Variants in ADGRB3 observed in about 807,000 individuals in gnomAD.
The protein encoded by ADGRB3 is adhesion G protein-coupled receptor B3, also known as brain-specific angiogenesis inhibitor 3.
In ADGRB3, 37 loss-of-function variants were observed where a neutral mutation model predicts 193.4. That is an observed-to-expected ratio of 0.19 (90% CI 0.15 to 0.25). The LOEUF is 0.25. Among genes scored for constraint, ADGRB3 ranks in the 10% least tolerant of loss-of-function variants. The pLI, the probability that ADGRB3 is intolerant of heterozygous loss-of-function variation, is 1.00. For missense variants in ADGRB3, 1,637 were observed against 1,852.9 expected (o/e 0.88, Z 2.14); for synonymous variants, 690 against 644.2 (o/e 1.07, Z -1.08).
At chr6:69,180,543 G>A in intron 17 of ADGRB3, among the ~76,000 whole-genome samples, 1 of 152,166 alleles carries the variant, frequency 6.6e-6, no homozygotes, top group East Asian at 1.9e-4. Flanking sequence ...ATCTGCCTAG[G>A]AATGGAGTAG....
intron 13 of ADGRB3, among the ~76,000 whole-genome samples, 192 bp downstream of exon 13, chr6:69,018,691 A>G (rs1770168962): frequency 1.3e-5 from 2 of 151,898 alleles, no homozygotes; most frequent in Admixed American, 6.6e-5. Flanking sequence ...GTACGCGTAT[A>G]TTTGTATTTA....
chr6:69,364,306 G>A (rs7739326), intron 29 of ADGRB3, among the ~76,000 whole-genome samples: 3,456 of 152,080 alleles, frequency 0.023, 94 homozygotes, highest in African/African-American at 0.07. Context: ...AACGAGAGTT[G>A]AGGGAGGAAA....
At chr6:68,684,104 G>A (rs1265275739) in intron 3 of ADGRB3, among the ~76,000 whole-genome samples, 2 of 152,122 alleles carry the variant, frequency 1.3e-5, no homozygotes, top group African/African-American at 4.8e-5. Flanking sequence ...AACAGACACG[G>A]TATAAATCTA....
intron 13 of ADGRB3, among the ~76,000 whole-genome samples, chr6:69,031,116 C>CTTCTCTTCGCTTCTCT (rs58370570): frequency 6.1e-5 from 3 of 49,352 alleles, no homozygotes; most frequent in Non-Finnish European, 1.3e-4. Flanking sequence ...CTTCTCTTCT[C>CTTCTCTTCGCTTCTCT]TCTCTTCTCT....
chr6:69,232,382 T>G, intron 17 of ADGRB3: 1 of 1,409,526 alleles, frequency 7.1e-7, no homozygotes, highest in Non-Finnish European at 9.2e-7. Context: ...ATTTTTATTG[T>G]TCTGCTGGGG....
At chr6:69,146,821 C>CTTTTTTTTT (rs756561473) in intron 17 of ADGRB3, among the ~76,000 whole-genome samples, 167 of 103,166 alleles carry the variant, frequency 1.6e-3, no homozygotes, top group East Asian at 2.7e-3. Flanking sequence ...CTCATTACTT[C>CTTTTTTTTT]TTTTTTTTTT....
At chr6:69,025,310 G>T (rs933610376) in intron 13 of ADGRB3, among the ~76,000 whole-genome samples, 1 of 151,874 alleles carries the variant, frequency 6.6e-6, no homozygotes, top group African/African-American at 2.4e-5. Flanking sequence ...TAATTTCATT[G>T]GTAGAATATC....
At chr6:68,677,994 A>G (rs574820201) in intron 3 of ADGRB3, among the ~76,000 whole-genome samples, 8 of 152,162 alleles carry the variant, frequency 5.3e-5, no homozygotes, top group African/African-American at 1.4e-4. Flanking sequence ...AAAAATAACC[A>G]TCTTGATAAT....
chr6:69,077,559 A>C (rs1342257616), intron 17 of ADGRB3, among the ~76,000 whole-genome samples: 1 of 152,014 alleles, frequency 6.6e-6, no homozygotes, highest in Non-Finnish European at 1.5e-5. Flanking sequence ...AACAAGAGAT[A>C]GTTCCTTATT....
Position 68,639,403 on chromosome 6 carries a change from C to G in ADGRB3, c.728C>G (p.Thr243Ser). Residue 243 changes from threonine (T) to serine (S), a missense_variant, in exon 3 of 32, where the codon ACC becomes AGC. Thr to Ser is a moderately conservative substitution (Grantham distance 58, BLOSUM62 1). Transcript: ENST00000370598. ...CAAACCACCCAAGTCTGCAATCTTA[C>G]CAGGGAGGCCAAGCGACCACCCAAA... ...ELQTTQVCNLTREAKRPPKEE... is the reference protein window; with the variant it reads ...ELQTTQVCNLSREAKRPPKEE... 6.2e-7 allele frequency: 1 copy of G among 1,611,078 alleles called. No individual in the cohort carries two copies. The highest frequency in any genetic ancestry group is 8.5e-7 in the Non-Finnish European group (1 of 1,178,632).
chr6:69,158,304 T>C (rs1039811338), intron 17 of ADGRB3, among the ~76,000 whole-genome samples: 3 of 152,008 alleles, frequency 2.0e-5, no homozygotes, highest in African/African-American at 2.4e-5. Context: ...TTAAATAGCA[T>C]TGGATAATTG....
intron 15 of ADGRB3, among the ~76,000 whole-genome samples, chr6:69,056,112 G>A (rs926235969): frequency 6.6e-6 from 1 of 152,176 alleles, no homozygotes. Flanking sequence ...TTACAGACAT[G>A]AGCCACCCCG....
chr6:68,641,229 C>G (rs1768076218), intron 3 of ADGRB3, among the ~76,000 whole-genome samples: 1 of 152,070 alleles, frequency 6.6e-6, no homozygotes, highest in Non-Finnish European at 1.5e-5. Flanking sequence ...TGTCACAACT[C>G]TTTTATATGA....
intron 3 of ADGRB3, among the ~76,000 whole-genome samples, chr6:68,916,510 G>A (rs1016029300): frequency 5.9e-5 from 9 of 152,160 alleles, no homozygotes; most frequent in South Asian, 2.1e-4. Flanking sequence ...ACAGTTCAGT[G>A]GTTTGGTGGA....
intron 17 of ADGRB3, among the ~76,000 whole-genome samples, chr6:69,117,177 CTG>C (rs1773558156): frequency 6.6e-6 from 1 of 152,150 alleles, no homozygotes; most frequent in Non-Finnish European, 1.5e-5. Flanking sequence ...GTGGATCTGG[CTG>C]TGGATACAGA....
intron 17 of ADGRB3, among the ~76,000 whole-genome samples, chr6:69,117,352 G>A (rs1773563590): frequency 6.6e-6 from 1 of 152,266 alleles, no homozygotes; most frequent in East Asian, 1.9e-4. Context: ...GGATTGAAAA[G>A]TATAATCCAC....
intron 3 of ADGRB3, among the ~76,000 whole-genome samples, chr6:68,851,258 T>C (rs1203789055): frequency 1.3e-5 from 2 of 151,942 alleles, no homozygotes; most frequent in African/African-American, 4.8e-5. Context: ...TCTCTCTTTC[T>C]CTCTGTTTCT....
intron 20 of ADGRB3, among the ~76,000 whole-genome samples, chr6:69,260,925 A>G (rs1352114403): frequency 6.6e-6 from 1 of 152,202 alleles, no homozygotes; most frequent in Non-Finnish European, 1.5e-5. Context: ...CTGCAAATGG[A>G]CCAAATCTGC....
chr6:68,644,148 A>T (rs1200367093), intron 3 of ADGRB3, among the ~76,000 whole-genome samples: 3 of 152,064 alleles, frequency 2.0e-5, no homozygotes, highest in Non-Finnish European at 4.4e-5. Flanking sequence ...TAAATAGGTT[A>T]CAGTAAAAAA....
Sources: allele counts gnomAD v4.1 joint callset (sites outside exome capture counted in the v4.1 genomes callset), GRCh38; gene constraint gnomAD v4.1.1; transcripts MANE v1.5; gene names NCBI Gene and HGNC (gene_info 2026-07-23, HGNC 2026-07-21).